DLG2: variants seen among roughly 807,000 people sequenced by gnomAD.
DLG2 encodes the protein disks large homolog 2.
A neutral mutation model predicts 132.5 loss-of-function variants in DLG2; 45 were observed. That is an observed-to-expected ratio of 0.34 (90% CI 0.27 to 0.44). DLG2 has a LOEUF of 0.44. Ranked by LOEUF, DLG2 falls within the 20% of genes least tolerant of loss-of-function variation. DLG2 has a pLI of 1.00. For synonymous variants in DLG2, 424 were observed against 419.6 expected (o/e 1.01, Z -0.13); for missense variants, 1,045 against 1,196.9 (o/e 0.87, Z 1.87).
intron 3 of DLG2, among the ~76,000 whole-genome samples, chr11:85,517,660 A>C (rs547295696): frequency 5.3e-5 from 8 of 152,116 alleles, no homozygotes; most frequent in Admixed American, 4.6e-4. Flanking sequence ...CCCAGGCTGA[A>C]GTGCAATGGC....
intron 6 of DLG2, among the ~76,000 whole-genome samples, chr11:84,971,154 C>G (rs989438190): frequency 6.6e-6 from 1 of 152,060 alleles, no homozygotes; most frequent in Non-Finnish European, 1.5e-5. Context: ...ATAAATTTAC[C>G]GTTCATTCCC....
chr11:83,876,765 C>A (rs1024246676), intron 15 of DLG2, among the ~76,000 whole-genome samples: 12 of 152,130 alleles, frequency 7.9e-5, no homozygotes, highest in Admixed American at 3.3e-4. Flanking sequence ...CTTACTGACT[C>A]TCTACGTGTC....
rs538800177 is a variant in DLG2, at chr11:85,032,455, A to T, written c.357+79206T>A. Among the ~76,000 whole-genome samples the T allele has an allele frequency of 2.0e-5, 3 of 152,328 alleles. No individual in the cohort carries two copies. The East Asian group carries it at 5.8e-4, about 29-fold the overall frequency. ...GTTTGAGAATGAATATATGGCAAAT[A>T]ACAATGTAATTTTAAAGCAATCTTT... On this transcript the variant is annotated intron_variant, in intron 6 of 27. Transcript: ENST00000376104.
intron 4 of DLG2, among the ~76,000 whole-genome samples, chr11:85,194,991 C>A (rs768350596): frequency 2.6e-5 from 4 of 152,114 alleles, no homozygotes; most frequent in Non-Finnish European, 5.9e-5. Flanking sequence ...CCTGGCTCTG[C>A]AATAGTAGAC....
chr11:84,522,028 C>A (rs1324102732), intron 7 of DLG2, among the ~76,000 whole-genome samples: 1 of 151,886 alleles, frequency 6.6e-6, no homozygotes, highest in Non-Finnish European at 1.5e-5. Flanking sequence ...ATGAGTTGGG[C>A]GTGGTGGCAC....
intron 8 of DLG2, among the ~76,000 whole-genome samples, chr11:84,234,551 C>CCAAAAA (rs1362131170): frequency 6.6e-6 from 1 of 152,148 alleles, no homozygotes; most frequent in Non-Finnish European, 1.5e-5. Flanking sequence ...AAATAAAATT[C>CCAAAAA]TAAGCCCCCC....
At chr11:85,138,346 A>G (rs1024033075) in intron 5 of DLG2, among the ~76,000 whole-genome samples, 3 of 152,184 alleles carry the variant, frequency 2.0e-5, no homozygotes, top group Non-Finnish European at 4.4e-5. Flanking sequence ...AACATTAACT[A>G]CATTTCTTAT....
At chr11:84,855,159 C>T (rs2082621494) in intron 6 of DLG2, among the ~76,000 whole-genome samples, 1 of 151,902 alleles carries the variant, frequency 6.6e-6, no homozygotes. Context: ...ATGTTTCTGC[C>T]CCATGTTAAC....
At chr11:84,659,469 A>T (rs909607508) in intron 6 of DLG2, among the ~76,000 whole-genome samples, 1 of 152,156 alleles carries the variant, frequency 6.6e-6, no homozygotes, top group Non-Finnish European at 1.5e-5. Flanking sequence ...TTTTCCAGAT[A>T]TCTAGAGATG....
chr11:83,712,487 C>T (rs11233727), intron 18 of DLG2, among the ~76,000 whole-genome samples: 15,989 of 151,746 alleles, frequency 0.11, 1,430 homozygotes, highest in African/African-American at 0.23. Context: ...AAAATTAGCC[C>T]GGTGTGGTGT....
chr11:83,671,916 T>C (rs942015540), intron 18 of DLG2, among the ~76,000 whole-genome samples: 2 of 152,230 alleles, frequency 1.3e-5, no homozygotes, highest in Non-Finnish European at 2.9e-5. Context: ...TGAATTGAAA[T>C]ACACAAATGT....
intron 6 of DLG2, among the ~76,000 whole-genome samples, chr11:84,580,107 A>T (rs2099512909): frequency 6.6e-6 from 1 of 152,164 alleles, no homozygotes; most frequent in Non-Finnish European, 1.5e-5. Flanking sequence ...TGGGCTACTG[A>T]TTTAAATGAG....
intron 6 of DLG2, among the ~76,000 whole-genome samples, chr11:84,796,369 G>A (rs1335237194): frequency 6.6e-6 from 1 of 152,080 alleles, no homozygotes; most frequent in Non-Finnish European, 1.5e-5. Context: ...AAAAGTTGCA[G>A]CTATTATTTT....
chr11:84,241,011 G>A (rs2097218636), intron 8 of DLG2, among the ~76,000 whole-genome samples: 2 of 152,324 alleles, frequency 1.3e-5, no homozygotes, highest in South Asian at 4.1e-4. Flanking sequence ...CCATATGGAT[G>A]AAACTCAGGA....
At chr11:83,957,889 T>TATC (rs1255380783) in intron 14 of DLG2, among the ~76,000 whole-genome samples, 1 of 152,246 alleles carries the variant, frequency 6.6e-6, no homozygotes, top group Non-Finnish European at 1.5e-5. Context: ...GTCCATATGC[T>TATC]ATCTCCTGAG....
At chr11:84,149,131 A>ATG (rs2095202294) in intron 9 of DLG2, among the ~76,000 whole-genome samples, 1 of 151,974 alleles carries the variant, frequency 6.6e-6, no homozygotes, top group African/African-American at 2.4e-5. Flanking sequence ...ACCTTTGTAG[A>ATG]TGTATAGTTT....
At chr11:84,690,533 G>A (rs1214931360) in intron 6 of DLG2, among the ~76,000 whole-genome samples, 4 of 151,584 alleles carry the variant, frequency 2.6e-5, no homozygotes, top group Non-Finnish European at 5.9e-5. Context: ...AATGTAGAGC[G>A]TGGGAAAGAA....
intron 6 of DLG2, among the ~76,000 whole-genome samples, chr11:84,865,737 T>C (rs573249067): frequency 1.5e-4 from 23 of 152,332 alleles, no homozygotes; most frequent in African/African-American, 5.3e-4. Flanking sequence ...AATGCTCTTA[T>C]ATGTGAATTA....
chr11:85,583,130 G>GTTTATATA (rs1555190569), intron 3 of DLG2, among the ~76,000 whole-genome samples: 1 of 13,606 alleles, frequency 7.3e-5, no homozygotes, highest in Non-Finnish European at 1.6e-4. Flanking sequence ...GTGTGTGTGT[G>GTTTATATA]TATATATATA....
Sources: allele counts gnomAD v4.1 joint callset (sites outside exome capture counted in the v4.1 genomes callset), GRCh38; gene constraint gnomAD v4.1.1; transcripts MANE v1.5; gene names NCBI Gene and HGNC (gene_info 2026-07-23, HGNC 2026-07-21).